ATF7IP: variants seen among roughly 807,000 people sequenced by gnomAD.
ATF7IP encodes activating transcription factor 7-interacting protein 1.
A neutral mutation model predicts 106.4 loss-of-function variants in ATF7IP; 23 were observed. The ratio of observed to expected loss-of-function variants is 0.22; its 90% CI spans 0.16 to 0.31. ATF7IP has a LOEUF of 0.31. Ranked by LOEUF, ATF7IP falls within the 10% of genes least tolerant of loss-of-function variation. The pLI is 1.00. For synonymous variants in ATF7IP, 542 were observed against 539.0 expected, an observed-to-expected ratio of 1.01 and a Z score of -0.08; for missense variants, 1,334 against 1,524.3, an observed-to-expected ratio of 0.88 and a Z score of 2.08.
At chr12:14,417,961 G>T (rs1941288415) in intron 1 of ATF7IP, among the ~76,000 whole-genome samples, 1 of 152,162 alleles carries the variant, frequency 6.6e-6, no homozygotes, top group African/African-American at 2.4e-5. Flanking sequence ...TTTTGAGCAG[G>T]CAGATTGTAG....
intron 13 of ATF7IP, among the ~76,000 whole-genome samples, chr12:14,494,285 AT>A (rs1944924934): frequency 1.7e-3 from 8 of 4,596 alleles, no homozygotes; most frequent in Admixed American, 7.5e-3. Context: ...AGCTAATAGA[AT>A]ATATATATAT....
chr12:14,408,402 CT>C, intron 1 of ATF7IP: 1 of 152,100 alleles, frequency 6.6e-6, no homozygotes, highest in Non-Finnish European at 1.5e-5. Flanking sequence ...AATTTCTTCT[CT>C]TATGGCTGTC....
chr12:14,464,073 G>T (rs1021071430), intron 9 of ATF7IP, among the ~76,000 whole-genome samples: 1 of 152,234 alleles, frequency 6.6e-6, no homozygotes, highest in Non-Finnish European at 1.5e-5. Context: ...AGCACTTTGG[G>T]AGGCTGAGGC....
At chr12:14,463,939 G>C (rs1943733759) in intron 9 of ATF7IP, among the ~76,000 whole-genome samples, 1 of 152,178 alleles carries the variant, frequency 6.6e-6, no homozygotes, top group African/African-American at 2.4e-5. Context: ...AAAAAGAACA[G>C]ATTTGGGGGA....
At chr12:14,426,823 C>CAAAAAAAAAAA (rs1491532843) in intron 2 of ATF7IP, among the ~76,000 whole-genome samples, 5 of 16,056 alleles carry the variant, frequency 3.1e-4, no homozygotes, top group Non-Finnish European at 4.2e-4. Flanking sequence ...GACCCTGCCT[C>CAAAAAAAAAAA]AAAAAAAAAA....
chr12:14,483,583 T>G (rs1216941829), intron 13 of ATF7IP, among the ~76,000 whole-genome samples: 2 of 151,912 alleles, frequency 1.3e-5, no homozygotes, highest in Non-Finnish European at 2.9e-5. Flanking sequence ...GAAGCAAAAA[T>G]TTTGCTAGTG....
chr12:14,466,673 G>C (rs1943845664), intron 10 of ATF7IP, 83 bp downstream of exon 10: 1 of 1,122,252 alleles, frequency 8.9e-7, no homozygotes. Context: ...TTGATTGAAT[G>C]AAAATTGTTC....
At chr12:14,457,374 G>A in intron 8 of ATF7IP, 79 bp downstream of exon 8, 1 of 1,077,542 alleles carries the variant, frequency 9.3e-7, no homozygotes, top group Non-Finnish European at 1.3e-6. Flanking sequence ...ATTCTTTTGA[G>A]GTTGAAATGG....
At chr12:14,404,294 A>G (rs1312485235) in intron 1 of ATF7IP, among the ~76,000 whole-genome samples, 3 of 152,196 alleles carry the variant, frequency 2.0e-5, no homozygotes, top group Non-Finnish European at 4.4e-5. Context: ...TAAAATCTAC[A>G]TACAGGAACA....
intron 1 of ATF7IP, chr12:14,385,202 A>T (rs1052391380): frequency 2.0e-6 from 1 of 493,390 alleles, no homozygotes; most frequent in Non-Finnish European, 3.6e-6. Context: ...AGGCTGACAA[A>T]GTGGGAGGGG....
chr12:14,426,874 G>A, intron 2 of ATF7IP, among the ~76,000 whole-genome samples: 1 of 139,926 alleles, frequency 7.1e-6, no homozygotes, highest in South Asian at 2.4e-4. Context: ...TTTTCAAAGA[G>A]CATTCAACTA....
At chr12:14,473,286 C>CTGTG (rs766915991) in intron 10 of ATF7IP, among the ~76,000 whole-genome samples, 4 of 53,734 alleles carry the variant, frequency 7.4e-5, no homozygotes, top group African/African-American at 4.8e-4. Flanking sequence ...CTCTCTCTCT[C>CTGTG]TCTCTGTGTG....
At position 14,419,400 on chromosome 12, in the gene ATF7IP, T is replaced by C. The variant is rs1183759216; in HGVS notation, c.-7-4509T>C. ...TTCTTAATTGGGTTATTAAAAGTTA[T>C]GAATTTTTTAAAAGGAATACTTTTA... On this transcript the variant is annotated intron_variant, in intron 1 of 14. Transcript: ENST00000261168. The C allele has an allele frequency of 3.9e-5, 6 of 152,334 alleles. No individual in the cohort carries two copies. The East Asian group carries it at 9.6e-4, about 24-fold the overall frequency. The allele number at this position is 152,334 out of a possible 1,614,324, so 9.4% of individuals were successfully genotyped here.
intron 1 of ATF7IP, among the ~76,000 whole-genome samples, chr12:14,392,946 G>T (rs1240157027): frequency 1.3e-5 from 2 of 152,104 alleles, no homozygotes; most frequent in African/African-American, 4.8e-5. Flanking sequence ...TCTACAGTGG[G>T]TTGAAAATAA....
intron 10 of ATF7IP, among the ~76,000 whole-genome samples, chr12:14,469,408 T>C (rs951409781): frequency 3.3e-5 from 5 of 151,238 alleles, no homozygotes; most frequent in Non-Finnish European, 5.9e-5. Flanking sequence ...GTGGAAATGC[T>C]TGTGAGCTGT....
chr12:14,489,202 G>A (rs1488815675), intron 13 of ATF7IP, among the ~76,000 whole-genome samples: 3 of 152,102 alleles, frequency 2.0e-5, no homozygotes, highest in Non-Finnish European at 2.9e-5. Flanking sequence ...ACTAACAGAC[G>A]CCTTAATGGA....
intron 2 of ATF7IP, among the ~76,000 whole-genome samples, chr12:14,427,012 T>C (rs1941889383): frequency 6.6e-6 from 1 of 152,086 alleles, no homozygotes; most frequent in South Asian, 2.1e-4. Context: ...ACAGTGATAA[T>C]GTTAAATTGG....
chr12:14,485,508 G>T (rs1944574137), intron 13 of ATF7IP, among the ~76,000 whole-genome samples: 1 of 152,094 alleles, frequency 6.6e-6, no homozygotes, highest in South Asian at 2.1e-4. Flanking sequence ...TTGCTCACTT[G>T]ATCCAATCAG....
At chr12:14,447,816 G>T (rs1179029211) in intron 6 of ATF7IP, among the ~76,000 whole-genome samples, 2 of 152,052 alleles carry the variant, frequency 1.3e-5, no homozygotes, top group East Asian at 3.9e-4. Context: ...AATATACAGA[G>T]ATTAGATTAA....
Sources: gnomAD v4.1 joint callset for allele counts (sites outside exome capture counted in the v4.1 genomes callset) on GRCh38, gnomAD v4.1.1 for gene constraint, MANE v1.5 for transcripts, NCBI Gene and HGNC (gene_info 2026-07-23, HGNC 2026-07-21) for gene names.